Variants in GALNT18 observed in about 807,000 individuals in gnomAD.
The protein encoded by GALNT18 is polypeptide N-acetylgalactosaminyltransferase 18.
A neutral mutation model predicts 69.5 loss-of-function variants in GALNT18; 44 were observed. That is an observed-to-expected ratio of 0.63 (90% confidence interval 0.50 to 0.81). The LOEUF is 0.81. GALNT18 is among the 40% of genes least tolerant of loss of function. The pLI is 0.00. For missense variants in GALNT18, 715 were observed against 810.0 expected (o/e 0.88, Z 1.42); for synonymous variants, 364 against 318.2 (o/e 1.14, Z -1.53).
chr11:11,471,900 T>A (rs776461489), intron 1 of GALNT18, among the ~76,000 whole-genome samples: 9 of 152,158 alleles, frequency 5.9e-5, no homozygotes, highest in Admixed American at 1.3e-4. Context: ...GCCCTCCCCA[T>A]CAGCAGCACA....
chr11:11,563,238 G>A lies in GALNT18; in HGVS notation c.235+58121C>T, dbSNP rs573874557. Among the ~76,000 whole-genome samples the A allele has an allele frequency of 1.3e-5, 2 of 152,214 alleles. No homozygotes were observed. The highest frequency in any genetic ancestry group is 1.3e-4 in the Admixed American group (2 of 15,298). On this transcript the variant is annotated intron_variant, in intron 1 of 10. Coordinates refer to ENST00000227756, the MANE Select transcript of GALNT18 (RefSeq NM_198516.3). The surrounding 1 kb of genome is among the most constrained non-coding windows in gnomAD (Gnocchi z 4.6). ...GTGGCTGTTCACCTTGCACCTCCCC[G>A]GATCAAGAGACTTGGCTCTTCCTGG...
chr11:11,461,001 A>T lies in GALNT18; in HGVS notation c.236-12065T>A, dbSNP rs1856029895. On this transcript the variant is annotated intron_variant, in intron 1 of 10. Transcript: ENST00000227756. The surrounding 1 kb of genome is among the most constrained non-coding windows in gnomAD (Gnocchi z 4.1). ...GGGAGGTACTGGCAAGAGTTAGGGAAGGCAACTCCAGCTAGGTGGGCTAGG... is the reference window on the plus strand; with the variant it reads ...GGGAGGTACTGGCAAGAGTTAGGGATGGCAACTCCAGCTAGGTGGGCTAGG... 6.6e-6 allele frequency among the ~76,000 whole-genome samples: 1 copy of T among 152,196 alleles called. No homozygotes were observed. Among genetic ancestry groups the T allele is most frequent in the Non-Finnish European group, 1.5e-5 (1 of 68,038 alleles).
intron 3 of GALNT18, among the ~76,000 whole-genome samples, chr11:11,380,741 C>T (rs1466162068): frequency 6.6e-6 from 1 of 152,208 alleles, no homozygotes; most frequent in African/African-American, 2.4e-5. Context: ...AACAAAGAAT[C>T]TTATGTTTAC....
chr11:11,279,329 TAAA>T (rs1334421363), intron 10 of GALNT18, among the ~76,000 whole-genome samples: 2 of 152,062 alleles, frequency 1.3e-5, no homozygotes, highest in Non-Finnish European at 1.5e-5. Flanking sequence ...AAAAATTTCT[TAAA>T]AAAATTTAAG....
At chr11:11,348,140 G>C (rs1328784180) in intron 6 of GALNT18, among the ~76,000 whole-genome samples, 1 of 152,150 alleles carries the variant, frequency 6.6e-6, no homozygotes, top group African/African-American at 2.4e-5. Flanking sequence ...CACTTTGGGA[G>C]GCTGAGGCAG....
chr11:11,487,914 T>C (rs558194977), intron 1 of GALNT18, among the ~76,000 whole-genome samples: 1 of 152,300 alleles, frequency 6.6e-6, no homozygotes, highest in African/African-American at 2.4e-5. Context: ...GCAGGAAAAG[T>C]GCACAGTGAA....
chr11:11,325,007 A>T (rs940140500), intron 9 of GALNT18, among the ~76,000 whole-genome samples: 6 of 152,242 alleles, frequency 3.9e-5, no homozygotes, highest in African/African-American at 1.4e-4. Context: ...ACTACTGGGT[A>T]TCTACCCAAA....
Position 11,369,189 on chromosome 11 carries a change from G to A in GALNT18, c.1092+3326C>T, listed in dbSNP as rs143068955. ...TTTTTGGTCCCTGTGTAGGTTTCCC[G>A]GGCCTCTTATAACAAAGTATCACAA... On this transcript the variant is annotated intron_variant, in intron 6 of 10. Transcript: ENST00000227756. 1.9e-3 allele frequency among the ~76,000 whole-genome samples: 286 copies of A among 152,120 alleles called. 2 individuals carry two copies. Among genetic ancestry groups the A allele is most frequent in the African/African-American group, 6.6e-3 (274 of 41,488 alleles).
intron 10 of GALNT18, among the ~76,000 whole-genome samples, chr11:11,281,075 G>A (rs1440331500): frequency 6.6e-6 from 1 of 152,172 alleles, no homozygotes; most frequent in African/African-American, 2.4e-5. Context: ...TGGCCCCACC[G>A]CAGTCCTGCC....
intron 3 of GALNT18, among the ~76,000 whole-genome samples, chr11:11,406,853 C>T (rs1031353642): frequency 1.3e-5 from 2 of 152,164 alleles, no homozygotes; most frequent in Non-Finnish European, 2.9e-5. Context: ...TTCCCATCCC[C>T]GCCCTTTTGG....
intron 3 of GALNT18, among the ~76,000 whole-genome samples, chr11:11,419,524 G>A (rs1854944884): frequency 6.9e-6 from 1 of 145,296 alleles, no homozygotes; most frequent in African/African-American, 2.6e-5. Flanking sequence ...TTGAACCCAG[G>A]AGGCAGAGGT....
Position 11,334,431 on chromosome 11 carries a change from T to C in GALNT18, c.1279-1600A>G, listed in dbSNP as rs182385950. Among the ~76,000 whole-genome samples, 374 of 151,658 alleles carry C rather than the reference T, an allele frequency of 2.5e-3. 3 individuals carry two copies. The highest frequency in any genetic ancestry group is 8.8e-3 in the African/African-American group (363 of 41,332). ...GGTGGCGGGCGCCTGTAGTCCCAGC[T>C]ACATGGGAGGCTGAGGCAGGAGAAT... On this transcript the variant is annotated intron_variant, in intron 7 of 10. Transcript: ENST00000227756.
chr11:11,550,621 C>A (rs72867179), intron 1 of GALNT18, among the ~76,000 whole-genome samples: 3,631 of 152,308 alleles, frequency 0.024, 57 homozygotes, highest in Middle Eastern at 0.037. Flanking sequence ...CTCATTGACA[C>A]AGACAGGTAA....
In GALNT18 at chr11:11,484,577, G is replaced by T. The variant is rs1359080301; in HGVS notation, c.236-35641C>A. ...CATTGCACTCCAGCCTGGGCAAAAA[G>T]AGCAAAACTCCATCTCAAAAAAAAA... On this transcript the variant is annotated intron_variant, in intron 1 of 10. Coordinates refer to ENST00000227756, the MANE Select transcript of GALNT18 (RefSeq NM_198516.3). Among the ~76,000 whole-genome samples the T allele has an allele frequency of 3.8e-4, 31 of 82,428 alleles. No homozygotes were observed. In the Admixed American group the frequency reaches 4.1e-3, roughly 11 times the overall value. The allele number at this position is 82,428 out of a possible 152,430, so 54.1% of individuals were successfully genotyped here.
At chr11:11,580,704 C>G (rs1191180828) in intron 1 of GALNT18, among the ~76,000 whole-genome samples, 1 of 152,226 alleles carries the variant, frequency 6.6e-6, no homozygotes, top group Non-Finnish European at 1.5e-5. Flanking sequence ...TTCCAGTGAC[C>G]ATTGGCCCTG....
chr11:11,361,439 A>G (rs1258883675), intron 6 of GALNT18, among the ~76,000 whole-genome samples: 1 of 152,234 alleles, frequency 6.6e-6, no homozygotes, highest in African/African-American at 2.4e-5. Context: ...TAATACATGT[A>G]AAGCACTTAG....
Position 11,332,766 on chromosome 11 carries a change from C to T in GALNT18, c.1344G>A (p.Lys448=). 6.2e-7 allele frequency: 1 copy of T among 1,614,116 alleles called. No homozygotes were observed. The highest frequency in any genetic ancestry group is 8.5e-7 in the Non-Finnish European group (1 of 1,180,002). The change falls in exon 8 of 11, where the codon AAG becomes AAA. Residue 448 remains lysine (K), a synonymous_variant. Coordinates refer to ENST00000227756, the MANE Select transcript of GALNT18 (RefSeq NM_198516.3). The surrounding 1 kb of genome is among the most constrained non-coding windows in gnomAD (Gnocchi z 4.3). ...RKALRKQLQC[K]TFRWYLVSVY... is the part of the protein sequence containing the mutation. ...CGCTGACCAGGTACCACCGGAAGGT[C>T]TTGCACTGCAGCTGTTTCCTGAGAG...
Position 11,472,400 on chromosome 11 carries a change from C to G in GALNT18, c.236-23464G>C, listed in dbSNP as rs531735179. Among the ~76,000 whole-genome samples, 13 of 152,278 alleles carry G rather than the reference C, an allele frequency of 8.5e-5. No individual in the cohort carries two copies. In the South Asian group the frequency reaches 2.7e-3, roughly 32 times the overall value. On this transcript the variant is annotated intron_variant, in intron 1 of 10. Coordinates refer to ENST00000227756, the MANE Select transcript of GALNT18 (RefSeq NM_198516.3). ...TATTTCTCAGAGCTTCCCTTTTCTG[C>G]CCCCAGTAAATCAAAGTCAATTCAA...
rs11822586 is a variant in GALNT18, at chr11:11,280,827, A to G, written c.1678-9537T>C. Among the ~76,000 whole-genome samples, 1,066 of 152,240 alleles carry G rather than the reference A, an allele frequency of 7.0e-3. 14 individuals carry two copies. Among genetic ancestry groups the G allele is most frequent in the African/African-American group, 0.021 (889 of 41,524 alleles). ...CCTGATGGGTGTGAAGCACAGCCTC[A>G]AGTTGTCCTCTCAAACTGTGGTCCA... On this transcript the variant is annotated intron_variant, in intron 10 of 10. Transcript: ENST00000227756.
Sources: gnomAD v4.1 joint callset for allele counts (sites outside exome capture counted in the v4.1 genomes callset) on GRCh38, gnomAD v4.1.1 for gene constraint, Gnocchi (gnomAD v3.1) non-coding constraint, MANE v1.5 for transcripts, NCBI Gene and HGNC (gene_info 2026-07-23, HGNC 2026-07-21) for gene names.